MBOAT4: variants seen among roughly 807,000 people sequenced by gnomAD.
MBOAT4 encodes membrane bound ghrelin O-acyltransferase MBOAT4, also known as membrane-bound ghrelin O-acyltransferase MBOAT4.
In MBOAT4, 11 loss-of-function variants were observed where a neutral mutation model predicts 13.2. The observed-to-expected ratio is 0.84, with a 90% CI of 0.53 to 1.38. MBOAT4 has a LOEUF of 1.38. MBOAT4 is among the 40% of genes most tolerant of loss of function. The pLI is 0.00. For missense variants in MBOAT4, 481 were observed against 527.2 expected (o/e 0.91, Z 0.86); for synonymous variants, 202 against 210.3 (o/e 0.96, Z 0.34).
intron 2 of MBOAT4, among the ~76,000 whole-genome samples, chr8:30,134,371 C>T (rs1237443923): frequency 6.6e-6 from 1 of 150,798 alleles, no homozygotes; most frequent in Non-Finnish European, 1.5e-5. Flanking sequence ...TGCAGTGAGC[C>T]GAGATTGTGT....
intron 1 of MBOAT4, among the ~76,000 whole-genome samples, chr8:30,144,004 T>C (rs1803306457): frequency 6.6e-6 from 1 of 152,228 alleles, no homozygotes; most frequent in Non-Finnish European, 1.5e-5. Context: ...TTAGTTTTAC[T>C]CTGTTATATA....
At position 30,135,037 on chromosome 8, in the gene MBOAT4, G is replaced by A. The variant is rs76997529; in HGVS notation, c.345-2131C>T. On this transcript the variant is annotated intron_variant, in intron 2 of 2. Coordinates refer to ENST00000320542, the MANE Select transcript of MBOAT4 (RefSeq NM_001100916.2). ...TGGAACTTCAGACATGCGCTACCAC[G>A]CCTAGTTAATTTTTGTGGGTTTTTT... is the stretch of plus-strand genomic sequence containing the variant. Among the ~76,000 whole-genome samples, 555 of 142,146 alleles carry A rather than the reference G, an allele frequency of 3.9e-3. 2 individuals are homozygous for A. The highest frequency in any genetic ancestry group is 0.014 in the African/African-American group (531 of 38,536). The allele number at this position is 142,146 out of a possible 152,430, so 93.3% of individuals were successfully genotyped here. A position where few individuals can be genotyped will look rare whatever the true frequency, so the allele number is the denominator to read the frequency against.
At position 30,138,689 on chromosome 8, in the gene MBOAT4, C is replaced by A; in HGVS notation, c.187G>T (p.Val63Phe). The change falls in exon 2 of 3, where the codon GTC becomes TTC. Residue 63 changes from valine (V) to phenylalanine (F), a missense_variant. Transcript: ENST00000320542. ...ACAGCGCAGACAGCAGGGGTGAAGA[C>A]GAGCACGGCGTAGGAACCCATGGCA... Reference protein sequence around the residue: ...VAAMGSYAVLVFTPAVCAVAL... With the variant: ...VAAMGSYAVLFFTPAVCAVAL... The A allele has an allele frequency of 6.4e-6, 10 of 1,550,914 alleles. No homozygotes were observed. Among genetic ancestry groups the A allele is most frequent in the Non-Finnish European group, 8.7e-6 (10 of 1,146,996 alleles).
chr8:30,144,258 G>A (rs1803312482), intron 1 of MBOAT4, among the ~76,000 whole-genome samples: 1 of 151,906 alleles, frequency 6.6e-6, no homozygotes, highest in African/African-American at 2.4e-5. Context: ...CCTCCCTCCC[G>A]AGGAGCTGGA....
At chr8:30,134,500 A>G (rs1218670514) in intron 2 of MBOAT4, among the ~76,000 whole-genome samples, 8 of 152,144 alleles carry the variant, frequency 5.3e-5, no homozygotes, top group Non-Finnish European at 1.0e-4. Flanking sequence ...GATGGCACAC[A>G]TATTCCCACT....
intron 2 of MBOAT4, 57 bp from the exon 3 acceptor site, chr8:30,132,963 T>C: frequency 6.9e-7 from 1 of 1,452,284 alleles, no homozygotes; most frequent in South Asian, 1.5e-5. Flanking sequence ...CTCTCTCTCT[T>C]ATTCCAGTCT....
intron 1 of MBOAT4, among the ~76,000 whole-genome samples, chr8:30,141,674 TAAAAG>T (rs1003480525): frequency 4.6e-5 from 7 of 150,976 alleles, no homozygotes; most frequent in African/African-American, 1.5e-4. Context: ...AAAGCGAAAA[TAAAAG>T]AAAAGAAAAA....
chr8:30,139,447 G>C (rs918825453), intron 1 of MBOAT4, among the ~76,000 whole-genome samples: 2 of 152,146 alleles, frequency 1.3e-5, no homozygotes, highest in African/African-American at 2.4e-5. Flanking sequence ...CAAGGATCTA[G>C]AAGAGCGCCC....
Position 30,132,403 on chromosome 8 carries a change from C to T in MBOAT4, c.848G>A (p.Gly283Glu). 1 of 1,551,754 alleles carries T rather than the reference C, an allele frequency of 6.4e-7. No homozygotes were observed. Among genetic ancestry groups the T allele is most frequent in the African/African-American group, 1.4e-5 (1 of 73,182 alleles). The change falls in exon 3 of 3, where the codon GGA becomes GAA. Residue 283 changes from glycine (G) to glutamate (E), a missense_variant. Transcript: ENST00000320542. The stretch of plus-strand genomic sequence containing the variant: ...CCAGATGTCTGCATCGGGGACATAT[C>T]CCTCCTCTCCAGGGCTCTGACCAAG... ...PELGQSPGEE[G>E]YVPDADIWTL...
intron 2 of MBOAT4, among the ~76,000 whole-genome samples, chr8:30,133,641 A>G (rs1203539001): frequency 6.6e-6 from 1 of 152,110 alleles, no homozygotes; most frequent in Non-Finnish European, 1.5e-5. Context: ...TGTGGGAATA[A>G]AAATGGAATC....
At chr8:30,139,500 G>C (rs530852147) in intron 1 of MBOAT4, among the ~76,000 whole-genome samples, 109 of 152,252 alleles carry the variant, frequency 7.2e-4, no homozygotes, top group African/African-American at 2.4e-3. Flanking sequence ...TCACAGGGTC[G>C]TGCTACCCGG....
chr8:30,144,347 G>T, intron 1 of MBOAT4, 136 bp downstream of exon 1: 1 of 580,796 alleles, frequency 1.7e-6, no homozygotes, highest in Non-Finnish European at 3.0e-6. Flanking sequence ...TGTTGGCCAG[G>T]CAGTTCTCAA....
In MBOAT4 at chr8:30,132,212, CA is replaced by C. The variant is rs1803032969; in HGVS notation, c.1038del (p.Phe346LeufsTer8). The C allele has an allele frequency of 6.4e-7, 1 of 1,551,864 alleles. No homozygotes were observed. Among genetic ancestry groups the C allele is most frequent in the Non-Finnish European group, 8.7e-7 (1 of 1,147,028 alleles). On this transcript the variant is annotated frameshift_variant, in exon 3 of 3. Transcript: ENST00000320542. LOFTEE classifies it low-confidence loss of function (END_TRUNC). ...ACCATCACGGCCCAGCAAACGAAACCAAACACCTGTCCTGGATGGAGTCCAT... is the reference window on the plus strand; with the variant it reads ...ACCATCACGGCCCAGCAAACGAAACCAACACCTGTCCTGGATGGAGTCCAT... ...WWHGLHPGQV[F>X]GFVCWAVMVE...
At chr8:30,143,992 G>C (rs566225304) in intron 1 of MBOAT4, among the ~76,000 whole-genome samples, 1 of 152,164 alleles carries the variant, frequency 6.6e-6, no homozygotes, top group Admixed American at 6.5e-5. Flanking sequence ...TGAATTTCCA[G>C]TTTAGTTTTA....
At position 30,132,186 on chromosome 8, in the gene MBOAT4, C is replaced by T. The variant is rs1474263155; in HGVS notation, c.1065G>A (p.Val355=). ...VFGFVCWAVM[V]EADYLIHSFA... Reference sequence around the variant, plus strand: ...AGGAGTGAATCAGGTAGTCAGCTTCCACCATCACGGCCCAGCAAACGAAAC... The same window carrying T: ...AGGAGTGAATCAGGTAGTCAGCTTCTACCATCACGGCCCAGCAAACGAAAC... Residue 355 remains valine, a synonymous_variant, in exon 3 of 3, where the codon GTG becomes GTA. Transcript: ENST00000320542. The T allele has an allele frequency of 6.4e-7, 1 of 1,551,860 alleles. No individual in the cohort carries two copies. Among genetic ancestry groups the T allele is most frequent in the South Asian group, 1.2e-5 (1 of 84,066 alleles).
rs1465340910 is a variant in MBOAT4 at position 30,137,044 on chromosome 8, TGGCAA to T, written c.344+1483_344+1487del. Among the ~76,000 whole-genome samples the T allele has an allele frequency of 5.9e-5, 9 of 151,996 alleles. No individual in the cohort carries two copies. In the South Asian group the frequency reaches 1.9e-3, roughly 32 times the overall value. ...AAAATTCTAGGTATAGTCAGGAGGA[TGGCAA>T]AGCAAGTGAACCAACCGCAGGCTAG... On this transcript the variant is annotated intron_variant, in intron 2 of 2. Coordinates refer to ENST00000320542, the MANE Select transcript of MBOAT4 (RefSeq NM_001100916.2).
chr8:30,134,372 G>A (rs1049416823), intron 2 of MBOAT4, among the ~76,000 whole-genome samples: 2 of 151,474 alleles, frequency 1.3e-5, no homozygotes, highest in Non-Finnish European at 2.9e-5. Flanking sequence ...GCAGTGAGCC[G>A]AGATTGTGTC....
intron 2 of MBOAT4, among the ~76,000 whole-genome samples, chr8:30,134,546 T>C (rs949065616): frequency 1.3e-5 from 2 of 152,192 alleles, no homozygotes; most frequent in African/African-American, 4.8e-5. Flanking sequence ...TCATTTTCTT[T>C]TTTTATTTTT....
chr8:30,137,361 C>A (rs530690685), intron 2 of MBOAT4: 1 of 1,551,598 alleles, frequency 6.4e-7, no homozygotes, highest in Middle Eastern at 1.7e-4. Flanking sequence ...TCCCAGCAGC[C>A]GCCATGAGAA....
Sources: allele counts gnomAD v4.1 joint callset (sites outside exome capture counted in the v4.1 genomes callset), GRCh38; gene constraint gnomAD v4.1.1; transcripts MANE v1.5; gene names NCBI Gene and HGNC (gene_info 2026-07-23, HGNC 2026-07-21).